USP24: variants seen among roughly 807,000 people sequenced by gnomAD.
USP24 encodes the protein ubiquitin specific peptidase 24.
In USP24, 97 loss-of-function variants were observed where a neutral mutation model predicts 361.6. The observed-to-expected ratio is 0.27, with a 90% CI of 0.23 to 0.32. USP24 has a LOEUF of 0.32. Among genes scored for constraint, USP24 ranks in the 10% least tolerant of loss-of-function variants. USP24 has a pLI of 1.00. For synonymous variants in USP24, 1,098 were observed against 1,124.6 expected (o/e 0.98, Z 0.47); for missense variants, 2,353 against 3,165.6 (o/e 0.74, Z 6.16).
intron 1 of USP24, among the ~76,000 whole-genome samples, chr1:55,211,268 G>C (rs1384390726): frequency 6.6e-6 from 1 of 152,168 alleles, no homozygotes; most frequent in Non-Finnish European, 1.5e-5. Flanking sequence ...TTTAATAATA[G>C]AACAGACTCT....
At chr1:55,156,572 A>G (rs555712501) in intron 12 of USP24, among the ~76,000 whole-genome samples, 13 of 152,268 alleles carry the variant, frequency 8.5e-5, no homozygotes, top group African/African-American at 3.1e-4. Flanking sequence ...AAACTCACCA[A>G]TCATCTTTAT....
intron 36 of USP24, among the ~76,000 whole-genome samples, chr1:55,121,994 T>C (rs763153948): frequency 6.6e-5 from 10 of 152,212 alleles, no homozygotes; most frequent in Non-Finnish European, 1.3e-4. Context: ...TTTCTGAATA[T>C]TTATTTATTG....
At chr1:55,141,036 T>C (rs184027549) in intron 24 of USP24, among the ~76,000 whole-genome samples, 1 of 152,120 alleles carries the variant, frequency 6.6e-6, no homozygotes, top group Non-Finnish European at 1.5e-5. Context: ...ACACAAACAT[T>C]TGGGGATAAA....
intron 1 of USP24, among the ~76,000 whole-genome samples, chr1:55,199,317 A>T (rs1644501927): frequency 6.6e-6 from 1 of 152,084 alleles, no homozygotes; most frequent in Non-Finnish European, 1.5e-5. Flanking sequence ...AACAAAAAAA[A>T]AACATGATTA....
intron 5 of USP24, among the ~76,000 whole-genome samples, chr1:55,167,927 T>C (rs1015141784): frequency 7.2e-5 from 11 of 152,236 alleles, no homozygotes; most frequent in Non-Finnish European, 1.3e-4. Flanking sequence ...AAGGAGATAA[T>C]TGACTCTTCA....
At chr1:55,138,171 A>AC (rs1410743837) in intron 26 of USP24, among the ~76,000 whole-genome samples, 1 of 151,726 alleles carries the variant, frequency 6.6e-6, no homozygotes, top group Non-Finnish European at 1.5e-5. Flanking sequence ...TCCCTTTCTC[A>AC]CTGTGCTCCC....
rs1273951638 is a variant in USP24 at position 55,157,048 on chromosome 1, T to C, written c.1346A>G (p.Asn449Ser). Residue 449 changes from asparagine to serine, a missense_variant, in exon 12 of 68, where the codon AAC becomes AGC. Coordinates refer to ENST00000294383, the MANE Select transcript of USP24 (RefSeq NM_015306.3). ...NSVLSIALEG[N>S]IDQAQYCDRI... Reference sequence around the variant, plus strand: ...GTCACAGTATTGTGCTTGGTCTATGTTGCCTAATTGAAGAAACATGAGAGA... The same window carrying C: ...GTCACAGTATTGTGCTTGGTCTATGCTGCCTAATTGAAGAAACATGAGAGA... 1 of 1,611,016 alleles carries C rather than the reference T, an allele frequency of 6.2e-7. No individual in the cohort carries two copies. The highest frequency in any genetic ancestry group is 1.3e-5 in the African/African-American group (1 of 74,874).
intron 34 of USP24, 33 bp downstream of exon 34, chr1:55,125,287 G>A (rs1399570545): frequency 2.4e-5 from 38 of 1,588,412 alleles, no homozygotes; most frequent in Non-Finnish European, 3.1e-5. Context: ...GAATAAGAGG[G>A]ACTAAAATGT....
chr1:55,159,588 A>G (rs932720698), intron 9 of USP24, 23 bp downstream of exon 9: 14 of 1,551,380 alleles, frequency 9.0e-6, no homozygotes, highest in Middle Eastern at 1.7e-4. Flanking sequence ...ACTGGGGCCT[A>G]TCTGGCTGGA....
Position 55,215,160 on chromosome 1 carries a change from G to A in USP24, c.-47C>T, listed in dbSNP as rs2100976779. On this transcript the variant is annotated 5_prime_UTR_variant, in exon 1 of 68. Transcript: ENST00000294383. ...CCGGCCAGCGCACGGCGAAGCTACG[G>A]GTCCCGGGCCTGGCGGGCCGCGCGG... is the stretch of plus-strand genomic sequence containing the variant. 2.5e-6 allele frequency: 3 copies of A among 1,206,770 alleles called. No individual in the cohort carries two copies. The highest frequency in any genetic ancestry group is 3.1e-6 in the Non-Finnish European group (3 of 969,432). 74.8% of individuals were successfully genotyped at this position (1,206,770 alleles called of 1,614,324 possible). A position where few individuals can be genotyped will look rare whatever the true frequency, so the allele number is the denominator to read the frequency against.
At chr1:55,194,088 A>G (rs1180150753) in intron 1 of USP24, among the ~76,000 whole-genome samples, 2 of 152,212 alleles carry the variant, frequency 1.3e-5, no homozygotes, top group African/African-American at 4.8e-5. Flanking sequence ...CCCCAAGCCA[A>G]GAATTGGGGA....
intron 30 of USP24, among the ~76,000 whole-genome samples, 183 bp downstream of exon 30, chr1:55,133,887 C>T (rs1046639964): frequency 1.3e-5 from 2 of 152,136 alleles, no homozygotes; most frequent in African/African-American, 4.8e-5. Context: ...CCCACCTTGG[C>T]CTCCCAAAGT....
rs771059800 is a variant in USP24 at position 55,134,165 on chromosome 1, T to C, written c.3288-2A>G. 6.2e-7 allele frequency: 1 copy of C among 1,613,066 alleles called. No homozygotes were observed. The highest frequency in any genetic ancestry group is 2.2e-5 in the East Asian group (1 of 44,864). Reference sequence around the variant, plus strand: ...AGCTTCCGTACTCGTAGAGTTATCCTGAAGTTTTTCAAATACAAATTTTTT... The same window carrying C: ...AGCTTCCGTACTCGTAGAGTTATCCCGAAGTTTTTCAAATACAAATTTTTT... On this transcript the variant is annotated splice_acceptor_variant, in intron 29 of 67. Coordinates refer to ENST00000294383, the MANE Select transcript of USP24 (RefSeq NM_015306.3). LOFTEE classifies it high-confidence loss of function.
chr1:55,159,334 TTCTC>T (rs945935139), intron 9 of USP24, among the ~76,000 whole-genome samples: 43 of 152,332 alleles, frequency 2.8e-4, no homozygotes, highest in Non-Finnish European at 2.9e-5. Context: ...TTTTAAAACT[TTCTC>T]TATGCCAATT....
intron 55 of USP24, among the ~76,000 whole-genome samples, chr1:55,089,055 C>T (rs1254765583): frequency 6.6e-6 from 1 of 151,790 alleles, no homozygotes; most frequent in East Asian, 1.9e-4. Context: ...TATAGGTGCC[C>T]ACAACCACGC....
chr1:55,103,282 T>G (rs1645686247), intron 42 of USP24, among the ~76,000 whole-genome samples: 1 of 152,224 alleles, frequency 6.6e-6, no homozygotes, highest in Non-Finnish European at 1.5e-5. Flanking sequence ...CTAAGAAGCC[T>G]TCTGAGATAC....
At chr1:55,171,902 C>T (rs1226524607) in intron 4 of USP24, among the ~76,000 whole-genome samples, 1 of 152,084 alleles carries the variant, frequency 6.6e-6, no homozygotes, top group Admixed American at 6.6e-5. Flanking sequence ...GAGGAGGTAA[C>T]AGGATAAGAG....
rs199992754 is a variant in USP24 at position 55,107,856 on chromosome 1, A to AC, written c.4571-427_4571-426insG. ...GACTCTGTCTCAAAAAAAAAAAAAA[A>AC]AAAAAAAAAACACACAAAAACCCCA... On this transcript the variant is annotated intron_variant, in intron 39 of 67. Coordinates refer to ENST00000294383, the MANE Select transcript of USP24 (RefSeq NM_015306.3). Among the ~76,000 whole-genome samples, 671 of 149,564 alleles carry AC rather than the reference A, an allele frequency of 4.5e-3. 4 individuals are homozygous for AC. The highest frequency in any genetic ancestry group is 0.017 in the Middle Eastern group (5 of 290).
chr1:55,162,359 T>A, intron 7 of USP24, 95 bp from the exon 8 acceptor site: 1 of 1,105,394 alleles, frequency 9.0e-7, no homozygotes, highest in Non-Finnish European at 1.2e-6. Context: ...GAGAAAAGTT[T>A]AAATAGTGAG....
Sources: gnomAD v4.1 joint callset for allele counts (sites outside exome capture counted in the v4.1 genomes callset) on GRCh38, gnomAD v4.1.1 for gene constraint, MANE v1.5 for transcripts, NCBI Gene and HGNC (gene_info 2026-07-23, HGNC 2026-07-21) for gene names.